Variants in GALNT16 observed in about 807,000 individuals in gnomAD.
The protein encoded by GALNT16 is UDP-GalNAc:polypeptide N-acetylgalactosaminyltransferase-like protein 1.
GALNT16 carries 40 observed loss-of-function variants against 76.1 expected under a neutral mutation model. The observed-to-expected ratio is 0.53, with a 90% CI of 0.41 to 0.68. The LOEUF is 0.68. GALNT16 is among the 30% of genes least tolerant of loss of function. GALNT16 has a pLI of 0.00. For synonymous variants in GALNT16, 276 were observed against 285.2 expected, an observed-to-expected ratio of 0.97 and a Z score of 0.32; for missense variants, 621 against 731.9, an observed-to-expected ratio of 0.85 and a Z score of 1.75.
At chr14:69,302,288 A>G (rs1459686452) in intron 1 of GALNT16, among the ~76,000 whole-genome samples, 1 of 152,186 alleles carries the variant, frequency 6.6e-6, no homozygotes, top group Non-Finnish European at 1.5e-5. Flanking sequence ...TCCAAAAATC[A>G]CCTATAATCC....
chr14:69,326,582 G>A (rs775447555), intron 5 of GALNT16, among the ~76,000 whole-genome samples: 4 of 152,196 alleles, frequency 2.6e-5, no homozygotes, highest in Non-Finnish European at 5.9e-5. Flanking sequence ...GAGCAGGGAA[G>A]GCTTCCATGG....
chr14:69,334,081 G>A (rs1266749774), intron 9 of GALNT16, among the ~76,000 whole-genome samples: 2 of 152,264 alleles, frequency 1.3e-5, no homozygotes, highest in African/African-American at 4.8e-5. Context: ...TAAAGTCTGA[G>A]TTTCCTCAAG....
chr14:69,316,932 G>A (rs2140158274), intron 1 of GALNT16, among the ~76,000 whole-genome samples: 1 of 152,302 alleles, frequency 6.6e-6, no homozygotes, highest in African/African-American at 2.4e-5. Context: ...CACCTGTTGA[G>A]TACCTACTGT....
Position 69,330,773 on chromosome 14 carries a change from GT to G in GALNT16, c.691-690del, listed in dbSNP as rs750564088. Among the ~76,000 whole-genome samples the G allele has an allele frequency of 6.7e-4, 102 of 152,292 alleles. 1 individual carries two copies. The highest frequency in any genetic ancestry group is 2.2e-4 in the Non-Finnish European group (15 of 68,026). On this transcript the variant is annotated intron_variant, in intron 6 of 14. Transcript: ENST00000448469. ...CGAAAGATGAGAAGGCTCATGAAGGGTGATGAAGTTTTACATGTGGTATATG... is the reference window on the plus strand; with the variant it reads ...CGAAAGATGAGAAGGCTCATGAAGGGGATGAAGTTTTACATGTGGTATATG...
At chr14:69,300,298 A>T (rs2044832666) in intron 1 of GALNT16, among the ~76,000 whole-genome samples, 2 of 152,196 alleles carry the variant, frequency 1.3e-5, no homozygotes, top group South Asian at 4.1e-4. Flanking sequence ...GTATACACAT[A>T]AGCACACTCA....
intron 1 of GALNT16, among the ~76,000 whole-genome samples, chr14:69,316,647 C>G (rs966635135): frequency 1.3e-5 from 2 of 152,040 alleles, no homozygotes; most frequent in African/African-American, 4.8e-5. Context: ...CACAGAGGAG[C>G]CTTCCACAGA....
In GALNT16 at chr14:69,333,101, G is replaced by A; in HGVS notation, c.795G>A (p.Leu265=). ...ADLRGGFDWS[L]HFKWEQIPLE... ...GTCCCTTAGGGTTCGACTGGAGCCT[G>A]CATTTCAAGTGGGAGCAGATCCCTC... The change falls in exon 8 of 15, where the codon CTG becomes CTA. Residue 265 remains leucine, a synonymous_variant. Transcript: ENST00000448469. This position sits in a 1 kb window ranked among gnomAD's most constrained non-coding sequence, Gnocchi z 4.2. 1 of 1,613,510 alleles carries A rather than the reference G, an allele frequency of 6.2e-7. No individual in the cohort carries two copies. Among genetic ancestry groups the A allele is most frequent in the Non-Finnish European group, 8.5e-7 (1 of 1,179,428 alleles).
At chr14:69,293,092 C>T (rs1205627551) in intron 1 of GALNT16, among the ~76,000 whole-genome samples, 4 of 151,756 alleles carry the variant, frequency 2.6e-5, no homozygotes, top group African/African-American at 9.7e-5. Flanking sequence ...TTTTTTCCAA[C>T]CCATTTTACA....
intron 1 of GALNT16, among the ~76,000 whole-genome samples, chr14:69,268,233 A>G (rs768507880): frequency 6.6e-6 from 1 of 152,250 alleles, no homozygotes; most frequent in Non-Finnish European, 1.5e-5. Context: ...ACCCCTTTGC[A>G]GAGCATAAAT....
intron 1 of GALNT16, among the ~76,000 whole-genome samples, chr14:69,292,766 T>C (rs1166495615): frequency 1.3e-5 from 2 of 152,234 alleles, no homozygotes; most frequent in East Asian, 3.9e-4. Context: ...CCCCTACCAG[T>C]TTGATTTGCT....
chr14:69,353,066 G>T lies in GALNT16; in HGVS notation c.*898G>T, dbSNP rs572473855. On this transcript the variant is annotated 3_prime_UTR_variant, in exon 15 of 15. Transcript: ENST00000448469. Reference sequence around the variant, plus strand: ...GAACAGCTAGTGCCCTGTCCCTGCCGCCAGGACCCACTGAAAGGACGGGTA... The same window carrying T: ...GAACAGCTAGTGCCCTGTCCCTGCCTCCAGGACCCACTGAAAGGACGGGTA... 2.4e-4 allele frequency among the ~76,000 whole-genome samples: 37 copies of T among 152,134 alleles called. No homozygotes were observed. Among genetic ancestry groups the T allele is most frequent in the Non-Finnish European group, 5.0e-4 (34 of 68,014 alleles).
chr14:69,380,461 A>G, the GALNT16 span: 3 of 777,356 alleles, frequency 3.9e-6, no homozygotes, highest in Non-Finnish European at 4.5e-6. Flanking sequence ...TTACTATGAT[A>G]CAAAACTTCC....
chr14:69,260,627 A>C, intron 1 of GALNT16, 160 bp downstream of exon 1: 1 of 404,322 alleles, frequency 2.5e-6, no homozygotes. Context: ...TGTTATGGCA[A>C]CCTCTGCCGG....
chr14:69,299,627 C>T (rs949614324), intron 1 of GALNT16, among the ~76,000 whole-genome samples: 1 of 152,180 alleles, frequency 6.6e-6, no homozygotes, highest in Non-Finnish European at 1.5e-5. Flanking sequence ...CCCCATTTTG[C>T]AGGTGCAGAG....
At chr14:69,335,635 C>A (rs2045406775) in intron 9 of GALNT16, among the ~76,000 whole-genome samples, 1 of 152,170 alleles carries the variant, frequency 6.6e-6, no homozygotes, top group South Asian at 2.1e-4. Flanking sequence ...AAAGGTGAAC[C>A]ACAGAGTGGT....
intron 14 of GALNT16, chr14:69,349,394 A>C (rs767081081): frequency 2.0e-5 from 3 of 152,002 alleles, no homozygotes; most frequent in Non-Finnish European, 4.4e-5. Flanking sequence ...CGGGGTGTGT[A>C]GGTATCTCCT....
intron 1 of GALNT16, among the ~76,000 whole-genome samples, chr14:69,278,648 A>C (rs745641424): frequency 2.0e-5 from 3 of 152,240 alleles, no homozygotes; most frequent in Non-Finnish European, 4.4e-5. Flanking sequence ...TGTTTAGATT[A>C]GGTTGGACTA....
chr14:69,326,030 G>A lies in GALNT16; in HGVS notation c.568+3G>A, dbSNP rs756794474. Reference sequence around the variant, plus strand: ...CCTGCGCAATGATCGGCGGGAAGGTGAGTCCTTGCACCCTGGGTCCCACCA... The same window carrying A: ...CCTGCGCAATGATCGGCGGGAAGGTAAGTCCTTGCACCCTGGGTCCCACCA... On this transcript the variant is annotated splice_donor_region_variant and intron_variant, in intron 5 of 14. Transcript: ENST00000448469. 2.3e-5 allele frequency: 37 copies of A among 1,612,280 alleles called. No homozygotes were observed. The Admixed American group carries it at 6.2e-4, about 27-fold the overall frequency.
intron 9 of GALNT16, among the ~76,000 whole-genome samples, chr14:69,337,886 T>C (rs2045433434): frequency 6.6e-6 from 1 of 151,160 alleles, no homozygotes. Flanking sequence ...AGCTGAGGAG[T>C]GGGAAGAGAC....
Sources: allele counts gnomAD v4.1 joint callset (sites outside exome capture counted in the v4.1 genomes callset), GRCh38; gene constraint gnomAD v4.1.1; non-coding constraint Gnocchi (gnomAD v3.1); transcripts MANE v1.5; gene names NCBI Gene and HGNC (gene_info 2026-07-23, HGNC 2026-07-21).